Variants in CALN1 observed in about 807,000 individuals in gnomAD.
CALN1 encodes the protein calneuron 1.
Under a neutral mutation model 30.6 loss-of-function variants are expected in CALN1, and 17 were observed. The observed-to-expected ratio is 0.56, with a 90% CI of 0.38 to 0.83. The LOEUF (loss-of-function observed/expected upper bound fraction) is 0.83. Among genes scored for constraint, CALN1 ranks in the 40% least tolerant of loss-of-function variants. The probability of loss-of-function intolerance (pLI) is 0.00; values close to 1 mark genes in which losing one functional copy is unlikely to be tolerated. For synonymous variants in CALN1, 156 were observed against 131.4 expected (o/e 1.19, Z -1.28); for missense variants, 291 against 354.9 (o/e 0.82, Z 1.45).
intron 3 of CALN1, among the ~76,000 whole-genome samples, chr7:72,124,256 C>G (rs1462986098): frequency 6.6e-6 from 1 of 152,118 alleles, no homozygotes; most frequent in Non-Finnish European, 1.5e-5. Flanking sequence ...ACAGGAAGTA[C>G]TCAATACATA....
At chr7:72,044,106 G>C (rs1000467985) in intron 4 of CALN1, among the ~76,000 whole-genome samples, 3 of 152,062 alleles carry the variant, frequency 2.0e-5, no homozygotes, top group Admixed American at 6.5e-5. Context: ...TGAGATTTGG[G>C]TGGGGACACA....
At chr7:71,799,230 T>C (rs557774292) in intron 6 of CALN1, among the ~76,000 whole-genome samples, 3 of 152,248 alleles carry the variant, frequency 2.0e-5, no homozygotes, top group African/African-American at 7.2e-5. Context: ...AACAACTGCA[T>C]GAGGAAGATT....
chr7:71,927,860 T>C (rs896156461), intron 5 of CALN1, among the ~76,000 whole-genome samples: 1 of 152,188 alleles, frequency 6.6e-6, no homozygotes, highest in African/African-American at 2.4e-5. Context: ...TGGTGGCCCT[T>C]GTGAACGGGA....
chr7:72,169,582 C>T (rs781648843), intron 3 of CALN1, among the ~76,000 whole-genome samples: 44 of 151,720 alleles, frequency 2.9e-4, no homozygotes, highest in Non-Finnish European at 5.0e-4. Context: ...CTCAGCCTCT[C>T]AAAGTGCTGA....
intron 2 of CALN1, among the ~76,000 whole-genome samples, chr7:72,344,950 TTA>T (rs1208593522): frequency 1.4e-5 from 2 of 147,652 alleles, no homozygotes; most frequent in Non-Finnish European, 3.0e-5. Flanking sequence ...ATGAATTGTT[TTA>T]TGTGGTATTT....
At chr7:72,377,400 G>A (rs1334144131) in intron 2 of CALN1, among the ~76,000 whole-genome samples, 1 of 147,982 alleles carries the variant, frequency 6.8e-6, no homozygotes, top group Non-Finnish European at 1.5e-5. Flanking sequence ...TCTGTTGATT[G>A]CTTTTTTACT....
chr7:72,414,904 A>G (rs1379603383), upstream of CALN1, among the ~76,000 whole-genome samples: 4 of 152,186 alleles, frequency 2.6e-5, no homozygotes, highest in Non-Finnish European at 5.9e-5. Context: ...CTCAACCCCA[A>G]TGTGACTATA....
chr7:71,799,982 CAGG>C (rs1476803314), intron 6 of CALN1, among the ~76,000 whole-genome samples: 3 of 152,196 alleles, frequency 2.0e-5, no homozygotes, highest in Non-Finnish European at 2.9e-5. Context: ...AGTCACAGCA[CAGG>C]AGAACTGCGA....
intron 3 of CALN1, among the ~76,000 whole-genome samples, chr7:72,229,981 A>G (rs1793969915): frequency 1.3e-5 from 2 of 151,748 alleles, no homozygotes. Flanking sequence ...TCTCTACAAA[A>G]ATACAAAAAA....
chr7:71,806,307 T>TA (rs71092915), intron 6 of CALN1, among the ~76,000 whole-genome samples: 115 of 88,226 alleles, frequency 1.3e-3, no homozygotes, highest in African/African-American at 8.7e-3. Flanking sequence ...TTCCCCCTCC[T>TA]TTTTTTTTTT....
At chr7:71,905,382 GT>G (rs57155520) in intron 5 of CALN1, among the ~76,000 whole-genome samples, 15,041 of 145,292 alleles carry the variant, frequency 0.1, 1,164 homozygotes, top group East Asian at 0.41. Flanking sequence ...CTAATGTGTA[GT>G]TTTTTTTTTT....
intron 2 of CALN1, chr7:72,336,899 G>C: frequency 1.0e-6 from 1 of 984,698 alleles, no homozygotes; most frequent in Non-Finnish European, 1.2e-6. Flanking sequence ...GGCTCCCTCG[G>C]CGCCCCCGGG....
chr7:72,031,347 A>T (rs776613832), intron 4 of CALN1, among the ~76,000 whole-genome samples: 3 of 152,148 alleles, frequency 2.0e-5, no homozygotes, highest in Non-Finnish European at 4.4e-5. Context: ...AGTAATAATA[A>T]ATAATAGGAA....
intron 5 of CALN1, among the ~76,000 whole-genome samples, chr7:71,876,139 C>G (rs1450837267): frequency 6.6e-6 from 1 of 152,050 alleles, no homozygotes; most frequent in African/African-American, 2.4e-5. Context: ...TTTGTCTCCA[C>G]CAAAAGTCAT....
intron 2 of CALN1, among the ~76,000 whole-genome samples, chr7:72,325,094 G>A (rs1446144946): frequency 6.6e-6 from 1 of 151,440 alleles, no homozygotes; most frequent in Non-Finnish European, 1.5e-5. Flanking sequence ...AAGGGCAGGA[G>A]TTCAAGACCA....
chr7:71,885,278 A>C (rs1230873202), intron 5 of CALN1, among the ~76,000 whole-genome samples: 1 of 152,028 alleles, frequency 6.6e-6, no homozygotes, highest in Non-Finnish European at 1.5e-5. Flanking sequence ...CAGCCTCCCG[A>C]GTAGCTGGGA....
chr7:71,983,572 C>A (rs1324883755), intron 5 of CALN1, among the ~76,000 whole-genome samples: 1 of 151,680 alleles, frequency 6.6e-6, no homozygotes, highest in Non-Finnish European at 1.5e-5. Context: ...GCGAGTGTTG[C>A]CGAGGTGGGA....
chr7:72,298,902 G>C (rs1241826268), intron 2 of CALN1, among the ~76,000 whole-genome samples: 1 of 151,938 alleles, frequency 6.6e-6, no homozygotes, highest in Non-Finnish European at 1.5e-5. Context: ...GCTCCTCCTT[G>C]CTTTCCTCCG....
At chr7:72,062,531 GA>G (rs1296760070) in intron 4 of CALN1, among the ~76,000 whole-genome samples, 13 of 116,576 alleles carry the variant, frequency 1.1e-4, no homozygotes, top group Non-Finnish European at 2.0e-4. Flanking sequence ...AAAAAAAAAA[GA>G]AAAAAAATAA....
Sources: allele counts gnomAD v4.1 joint callset (sites outside exome capture counted in the v4.1 genomes callset), GRCh38; gene constraint gnomAD v4.1.1; transcripts MANE v1.5; gene names NCBI Gene and HGNC (gene_info 2026-07-23, HGNC 2026-07-21).